NAALADL2: variants seen among roughly 807,000 people sequenced by gnomAD.
The protein encoded by NAALADL2 is N-acetylated alpha-linked acidic dipeptidase like 2, also known as inactive N-acetylated-alpha-linked acidic dipeptidase-like protein 2.
Under a neutral mutation model 87.2 loss-of-function variants are expected in NAALADL2, and 76 were observed. The ratio of observed to expected loss-of-function variants is 0.87; its 90% CI spans 0.72 to 1.05. The LOEUF (loss-of-function observed/expected upper bound fraction) is 1.05. NAALADL2 is among the 50% of genes least tolerant of loss of function. The pLI, the probability that NAALADL2 is intolerant of heterozygous loss-of-function variation, is 0.00. For missense variants in NAALADL2, 1,089 were observed against 945.8 expected (o/e 1.15, Z -1.99); for synonymous variants, 354 against 331.0 (o/e 1.07, Z -0.75).
At chr3:174,878,491 G>A (rs1382100343) in intron 1 of NAALADL2, among the ~76,000 whole-genome samples, 1 of 152,190 alleles carries the variant, frequency 6.6e-6, no homozygotes, top group East Asian at 1.9e-4. Context: ...ACATGTTTTG[G>A]ATTTGGCTTT....
At chr3:175,642,177 CATCTCCTCTAA>C (rs1335666123) in intron 11 of NAALADL2, among the ~76,000 whole-genome samples, 1 of 152,172 alleles carries the variant, frequency 6.6e-6, no homozygotes, top group Non-Finnish European at 1.5e-5. Context: ...TGAATGTTTT[CATCTCCTCTAA>C]ATGCATCCTT....
chr3:175,123,373 C>G (rs755247587), intron 2 of NAALADL2, among the ~76,000 whole-genome samples: 1 of 151,974 alleles, frequency 6.6e-6, no homozygotes, highest in African/African-American at 2.4e-5. Context: ...GTCATGATTT[C>G]TGTCATGAAA....
In NAALADL2 at chr3:174,593,111, T is replaced by C. The variant is rs181480520; in HGVS notation, c.-115+42474T>C. On this transcript the variant is annotated intron_variant, in intron 2 of 3. Transcript: ENST00000434257. ...TTTTCTTGTAGGACAATCAGAATTG[T>C]CAAATATATTCTTTACATCTTGGAT... is the stretch of plus-strand genomic sequence containing the variant. 8.5e-5 allele frequency among the ~76,000 whole-genome samples: 13 copies of C among 152,260 alleles called. No homozygotes were observed. The East Asian group carries it at 2.3e-3, about 27-fold the overall frequency.
intron 2 of NAALADL2, among the ~76,000 whole-genome samples, chr3:174,574,757 A>G (rs1484444862): frequency 2.0e-5 from 3 of 152,150 alleles, no homozygotes; most frequent in South Asian, 2.1e-4. Flanking sequence ...CTCTTCTAGA[A>G]TTCAAATAAA....
At chr3:174,669,177 T>G (rs1726273929) in intron 2 of NAALADL2, among the ~76,000 whole-genome samples, 1 of 152,210 alleles carries the variant, frequency 6.6e-6, no homozygotes, top group African/African-American at 2.4e-5. Context: ...CCAGTGATGA[T>G]GAGCATTTTT....
intron 10 of NAALADL2, among the ~76,000 whole-genome samples, chr3:175,593,536 A>G (rs1721829663): frequency 6.6e-6 from 1 of 152,166 alleles, no homozygotes; most frequent in Non-Finnish European, 1.5e-5. Context: ...TTTATCATTT[A>G]ATCATTCTGG....
At chr3:175,296,740 T>C (rs977922451) in intron 4 of NAALADL2, among the ~76,000 whole-genome samples, 4 of 152,192 alleles carry the variant, frequency 2.6e-5, no homozygotes, top group African/African-American at 9.6e-5. Context: ...TGCTAAGTAA[T>C]AACATTAAGT....
chr3:175,555,347 G>C (rs986559902), intron 9 of NAALADL2, among the ~76,000 whole-genome samples: 2 of 152,144 alleles, frequency 1.3e-5, no homozygotes, highest in Non-Finnish European at 1.5e-5. Flanking sequence ...CTTTCAAATA[G>C]CAGTGAGTAC....
intron 1 of NAALADL2, among the ~76,000 whole-genome samples, chr3:174,532,296 T>C (rs1210312734): frequency 6.6e-6 from 1 of 152,088 alleles, no homozygotes. Flanking sequence ...TCCATTACTA[T>C]AACATAAAAG....
At chr3:174,775,725 T>C (rs1183153534) in intron 3 of NAALADL2, among the ~76,000 whole-genome samples, 1 of 152,062 alleles carries the variant, frequency 6.6e-6, no homozygotes, top group African/African-American at 2.4e-5. Context: ...TGGGAGGAAA[T>C]GACCAGGCTT....
intron 2 of NAALADL2, among the ~76,000 whole-genome samples, chr3:175,190,282 G>T (rs1241266721): frequency 6.6e-6 from 1 of 151,970 alleles, no homozygotes; most frequent in Non-Finnish European, 1.5e-5. Context: ...CTACAGATTT[G>T]GGTAAGACAT....
Position 175,227,812 on chromosome 3 carries a change from A to T in NAALADL2, c.546-6119A>T, listed in dbSNP as rs13089702. Among the ~76,000 whole-genome samples the T allele has an allele frequency of 5.1e-3, 782 of 152,118 alleles. 1 individual carries two copies. The highest frequency in any genetic ancestry group is 0.02 in the South Asian group (97 of 4,826). Reference sequence around the variant, plus strand: ...ATTTAAAACAATTTAAAAATTACATAATTGTAGAACTATGAACTCATATGA... The same window carrying T: ...ATTTAAAACAATTTAAAAATTACATTATTGTAGAACTATGAACTCATATGA... On this transcript the variant is annotated intron_variant, in intron 2 of 13. Transcript: ENST00000454872.
At chr3:174,473,768 T>G (rs1717049767) in intron 1 of NAALADL2, among the ~76,000 whole-genome samples, 1 of 152,194 alleles carries the variant, frequency 6.6e-6, no homozygotes, top group Non-Finnish European at 1.5e-5. Flanking sequence ...GATTAGATGT[T>G]ATTTGAAATG....
At chr3:174,780,670 T>C (rs1715853930) in intron 3 of NAALADL2, among the ~76,000 whole-genome samples, 1 of 152,176 alleles carries the variant, frequency 6.6e-6, no homozygotes, top group Admixed American at 6.6e-5. Flanking sequence ...ATACCTAGTT[T>C]ACTGAAAATT....
At chr3:175,191,059 A>G (rs1263089107) in intron 2 of NAALADL2, among the ~76,000 whole-genome samples, 1 of 152,156 alleles carries the variant, frequency 6.6e-6, no homozygotes, top group Admixed American at 6.5e-5. Flanking sequence ...GTGTAACACA[A>G]GAACTATGGT....
chr3:175,628,662 G>A (rs9872657), intron 11 of NAALADL2, among the ~76,000 whole-genome samples: 139,377 of 145,880 alleles, frequency 0.96, 66,623 homozygotes, highest in Admixed American at 0.97. Context: ...TTATATTTAT[G>A]TATGGATTAT....
intron 2 of NAALADL2, among the ~76,000 whole-genome samples, chr3:175,099,339 C>G (rs1380143938): frequency 6.6e-6 from 1 of 152,136 alleles, no homozygotes; most frequent in Non-Finnish European, 1.5e-5. Context: ...GAAAGCATAA[C>G]CACTAGCAAT....
At chr3:175,460,176 G>A (rs1006455641) in intron 6 of NAALADL2, 5 of 456,490 alleles carry the variant, frequency 1.1e-5, no homozygotes, top group South Asian at 7.7e-5. Flanking sequence ...ACAGCAGCAG[G>A]TGTGTCTTTA....
chr3:174,580,045 G>A (rs1715985914), intron 2 of NAALADL2, among the ~76,000 whole-genome samples: 1 of 151,648 alleles, frequency 6.6e-6, no homozygotes, highest in Non-Finnish European at 1.5e-5. Flanking sequence ...TAAAATTATT[G>A]GACTTTTAAA....
Sources: allele counts gnomAD v4.1 joint callset (sites outside exome capture counted in the v4.1 genomes callset), GRCh38; gene constraint gnomAD v4.1.1; transcripts MANE v1.5; gene names NCBI Gene and HGNC (gene_info 2026-07-23, HGNC 2026-07-21).